The following DDX21 variants were observed in gnomAD, a reference collection of about 807,000 sequenced individuals.
The protein encoded by DDX21 is DExD-box helicase 21, also known as nucleolar RNA helicase 2.
Under a neutral mutation model 90.0 loss-of-function variants are expected in DDX21, and 18 were observed. The observed-to-expected ratio is 0.20, with a 90% confidence interval of 0.14 to 0.30. The LOEUF is 0.30. DDX21 is among the 10% of genes least tolerant of loss of function. DDX21 has a pLI of 1.00. For missense variants in DDX21, 673 were observed against 944.5 expected (o/e 0.71, Z 3.77); for synonymous variants, 294 against 318.0 (o/e 0.92, Z 0.80).
At chr10:68,969,371 C>A (rs1842989078) in intron 7 of DDX21, among the ~76,000 whole-genome samples, 1 of 152,178 alleles carries the variant, frequency 6.6e-6, no homozygotes, top group Non-Finnish European at 1.5e-5. Flanking sequence ...CCTCCACCTC[C>A]CAGGTTCAAG....
Position 68,969,111 on chromosome 10 carries a change from T to C in DDX21, c.1226T>C (p.Ile409Thr). 1 of 1,609,846 alleles carries C rather than the reference T, an allele frequency of 6.2e-7. No individual in the cohort carries two copies. Residue 409 changes from isoleucine (I) to threonine (T), a missense_variant, in exon 7 of 15, where the codon ATA (isoleucine) becomes ACA (threonine). Ile to Thr is a moderately conservative substitution (Grantham distance 89). Around this residue, in one of 4 missense-constraint regions of DDX21, gnomAD observed 218 missense variants for 347.3 expected, o/e 0.63. Coordinates refer to ENST00000354185, the MANE Select transcript of DDX21 (RefSeq NM_004728.4). ...LIGKKTQKTA[I>T]TVEHLAIKCH... ...GGTAAAAAGACTCAGAAAACGGCAA[T>C]AACTGTGGAGGTAAATTATTTACTT...
intron 12 of DDX21, among the ~76,000 whole-genome samples, chr10:68,977,994 T>G (rs1399256279): frequency 1.3e-5 from 2 of 149,934 alleles, no homozygotes; most frequent in African/African-American, 2.4e-5. Context: ...CATGCTGTGG[T>G]CCCAGCTACC....
chr10:68,982,618 G>C lies in DDX21; in HGVS notation c.2158G>C (p.Gly720Arg). Residue 720 changes from glycine (G) to arginine (R), a missense_variant, in exon 15 of 15, where the codon GGA becomes CGA. Gly to Arg is a moderately radical substitution (Grantham distance 125). Around this residue, in one of 4 missense-constraint regions of DDX21, gnomAD observed 225 missense variants for 298.8 expected, o/e 0.75. Coordinates refer to ENST00000354185, the MANE Select transcript of DDX21 (RefSeq NM_004728.4). Reference sequence around the variant, plus strand: ...ACCAGAACTGGAAGGACCACGGGAAGGATATGGAGGCTTCAGGGGACAGCG... The same window carrying C: ...ACCAGAACTGGAAGGACCACGGGAACGATATGGAGGCTTCAGGGGACAGCG... ...EQPELEGPRE[G>R]YGGFRGQREG... The C allele has an allele frequency of 3.1e-6, 5 of 1,614,170 alleles. No homozygotes were observed. The highest frequency in any genetic ancestry group is 4.2e-6 in the Non-Finnish European group (5 of 1,180,048).
intron 13 of DDX21, among the ~76,000 whole-genome samples, chr10:68,979,890 AG>A (rs1778759326): frequency 6.6e-6 from 1 of 152,184 alleles, no homozygotes; most frequent in Admixed American, 6.5e-5. Context: ...TTACTCCAGC[AG>A]TGCCCAGTAC....
intron 2 of DDX21, among the ~76,000 whole-genome samples, chr10:68,960,472 A>T (rs1048452191): frequency 7.4e-6 from 1 of 134,738 alleles, no homozygotes; most frequent in African/African-American, 2.6e-5. Flanking sequence ...TTATTTTTTT[A>T]TTTTTTTGAG....
chr10:68,980,553 C>T (rs1263585484), intron 13 of DDX21, among the ~76,000 whole-genome samples: 1 of 152,094 alleles, frequency 6.6e-6, no homozygotes, highest in Non-Finnish European at 1.5e-5. Flanking sequence ...GTGATGATAC[C>T]TATGTTATGA....
intron 8 of DDX21, among the ~76,000 whole-genome samples, chr10:68,971,179 A>G (rs1319553978): frequency 6.6e-6 from 1 of 151,846 alleles, no homozygotes; most frequent in Non-Finnish European, 1.5e-5. Context: ...GGCTTTTAGC[A>G]TAATCATGAG....
At chr10:68,980,049 T>A (rs1843163375) in intron 13 of DDX21, among the ~76,000 whole-genome samples, 1 of 152,290 alleles carries the variant, frequency 6.6e-6, no homozygotes, top group South Asian at 2.1e-4. Context: ...GAGACCAGCC[T>A]GACCAACATG....
At chr10:68,974,844 A>T (rs776849256) in intron 11 of DDX21, 101 bp downstream of exon 11, 264 of 868,128 alleles carry the variant, frequency 3.0e-4, no homozygotes, top group Middle Eastern at 7.0e-4. Flanking sequence ...TTTTTTTTTA[A>T]AATTTTTGAG....
At chr10:68,969,752 A>G (rs1842995785) in intron 7 of DDX21, among the ~76,000 whole-genome samples, 1 of 152,198 alleles carries the variant, frequency 6.6e-6, no homozygotes, top group Admixed American at 6.5e-5. Context: ...TGAAGTTTAA[A>G]ATTTCACCTT....
intron 10 of DDX21, among the ~76,000 whole-genome samples, chr10:68,973,989 A>G (rs920538301): frequency 6.6e-6 from 1 of 152,204 alleles, no homozygotes; most frequent in Non-Finnish European, 1.5e-5. Flanking sequence ...GATAAAGGGG[A>G]GAAGAGACTA....
intron 11 of DDX21, 113 bp from the exon 12 acceptor site, chr10:68,977,416 A>G (rs1843117049): frequency 2.0e-6 from 2 of 981,732 alleles, no homozygotes; most frequent in Middle Eastern, 2.3e-4. Flanking sequence ...TCAAAAATAA[A>G]TATGTTACAC....
intron 2 of DDX21, 85 bp downstream of exon 2, chr10:68,960,334 A>G: frequency 7.4e-7 from 1 of 1,343,706 alleles, no homozygotes; most frequent in Non-Finnish European, 9.9e-7. Flanking sequence ...GTACTCTTTA[A>G]TAGTAGGAGA....
chr10:68,966,545 C>T (rs1440964677), intron 5 of DDX21, among the ~76,000 whole-genome samples: 4 of 151,784 alleles, frequency 2.6e-5, no homozygotes, highest in Admixed American at 6.6e-5. Context: ...CAGGTTCAAG[C>T]GATTCTCCTG....
chr10:68,971,794 C>T lies in DDX21; in HGVS notation c.1387-97C>T, dbSNP rs1843031499. ...TGTAATGTTTTCAACAGGCATGTCA[C>T]CAAAATATGAATGTCTTTTACAGGC... is the stretch of plus-strand genomic sequence containing the variant. On this transcript the variant is annotated intron_variant, in intron 8 of 14. Transcript: ENST00000354185. 2.3e-6 allele frequency: 3 copies of T among 1,280,338 alleles called. No homozygotes were observed. In the Admixed American group the frequency reaches 6.5e-5, roughly 28 times the overall value. 79.3% of individuals were successfully genotyped at this position (1,280,338 alleles called of 1,614,324 possible). A position where few individuals can be genotyped will look rare whatever the true frequency, so the allele number is the denominator to read the frequency against.
chr10:68,957,477 C>T (rs184093831), intron 1 of DDX21, among the ~76,000 whole-genome samples: 133 of 152,246 alleles, frequency 8.7e-4, no homozygotes, highest in African/African-American at 2.8e-3. Flanking sequence ...ATTAACTTTC[C>T]TTGTTGGTTT....
chr10:68,981,626 A>AG, intron 14 of DDX21, 45 bp downstream of exon 14: 1 of 1,425,578 alleles, frequency 7.0e-7, no homozygotes, highest in Non-Finnish European at 9.9e-7. Context: ...CCTAAATTGT[A>AG]GAATGTTAAT....
chr10:68,956,528 T>A (rs1842796865), intron 1 of DDX21: 1 of 1,410,096 alleles, frequency 7.1e-7, no homozygotes, highest in Non-Finnish European at 9.3e-7. Context: ...CGCCGTGCGC[T>A]GACCTCTTCC....
Position 68,977,643 on chromosome 10 carries a change from A to G in DDX21, c.1857A>G (p.Ser619=), listed in dbSNP as rs1843121825. The change falls in exon 12 of 15, where the codon TCA becomes TCG. Residue 619 remains serine, a synonymous_variant. Transcript: ENST00000354185. ...TGGCAGCAGCACTGGCCCATATTTC[A>G]GGTGCCACGTCCGTAGACCAGCGCT... ...EALAAALAHI[S]GATSVDQRSL... The G allele has an allele frequency of 6.2e-7, 1 of 1,613,724 alleles. No homozygotes were observed. Among genetic ancestry groups the G allele is most frequent in the Admixed American group, 1.7e-5 (1 of 59,992 alleles).
Sources: gnomAD v4.1 joint callset for allele counts (sites outside exome capture counted in the v4.1 genomes callset) on GRCh38, gnomAD v4.1.1 for gene constraint, gnomAD v4.1.1 regional missense constraint, MANE v1.5 for transcripts, NCBI Gene and HGNC (gene_info 2026-07-23, HGNC 2026-07-21) for gene names.